Variants in ZNF774 observed in about 807,000 individuals in gnomAD.
ZNF774 encodes zinc finger protein 774.
ZNF774 carries 14 observed loss-of-function variants against 11.1 expected under a neutral mutation model. The observed-to-expected ratio is 1.26, with a 90% CI of 0.83 to 1.97. ZNF774 has a LOEUF of 1.97. Among genes scored for constraint, ZNF774 ranks in the 30% most tolerant of loss-of-function variants. The pLI is 0.00. For synonymous variants in ZNF774, 195 were observed against 212.6 expected, an observed-to-expected ratio of 0.92 and a Z score of 0.72; for missense variants, 599 against 587.0, an observed-to-expected ratio of 1.02 and a Z score of -0.21.
chr15:90,353,025 T>C (rs946586460), intron 1 of ZNF774, among the ~76,000 whole-genome samples: 7 of 151,992 alleles, frequency 4.6e-5, no homozygotes. Flanking sequence ...TGGAATGCAA[T>C]GGCGCTATCT....
At chr15:90,360,010 C>T in intron 3 of ZNF774, 33 bp from the exon 4 acceptor site, 1 of 1,555,310 alleles carries the variant, frequency 6.4e-7, no homozygotes. Context: ...TAACTGATAA[C>T]TTTATTCTCT....
chr15:90,361,507 A>G lies in ZNF774; in HGVS notation c.*224A>G. The G allele has an allele frequency of 7.6e-7, 1 of 1,309,908 alleles. No homozygotes were observed. The highest frequency in any genetic ancestry group is 9.7e-7 in the Non-Finnish European group (1 of 1,030,250). 81.1% of individuals were successfully genotyped at this position (1,309,908 alleles called of 1,614,324 possible). A position where few individuals can be genotyped will look rare whatever the true frequency, so the allele number is the denominator to read the frequency against. On this transcript the variant is annotated 3_prime_UTR_variant, in exon 4 of 4. Coordinates refer to ENST00000354377, the MANE Select transcript of ZNF774 (RefSeq NM_001004309.3). ...CAGTGTGTGACTGACTCTTAGGGAA[A>G]TGTGAGTTTAATAGTTGATGCCCGC...
chr15:90,352,856 AG>A (rs530121959), intron 1 of ZNF774, among the ~76,000 whole-genome samples: 3 of 152,194 alleles, frequency 2.0e-5, no homozygotes, highest in African/African-American at 4.8e-5. Flanking sequence ...GCTGGGAAAC[AG>A]GGTTTCTATA....
chr15:90,355,323 C>G, intron 2 of ZNF774: 1 of 456,048 alleles, frequency 2.2e-6, no homozygotes, highest in Non-Finnish European at 4.4e-6. Flanking sequence ...AACTTTTTGA[C>G]TTATGTATTA....
intron 2 of ZNF774, among the ~76,000 whole-genome samples, chr15:90,357,030 TATC>T (rs1964258569): frequency 6.6e-6 from 1 of 152,182 alleles, no homozygotes; most frequent in Admixed American, 6.5e-5. Flanking sequence ...AGTATAATTT[TATC>T]ATTTTCTTAG....
intron 1 of ZNF774, among the ~76,000 whole-genome samples, chr15:90,352,665 C>T (rs1459261233): frequency 6.6e-6 from 1 of 152,020 alleles, no homozygotes; most frequent in Non-Finnish European, 1.5e-5. Context: ...ACCCTCTGAC[C>T]GCCGCACCCC....
intron 1 of ZNF774, among the ~76,000 whole-genome samples, chr15:90,352,681 G>A (rs1038742793): frequency 1.2e-4 from 18 of 152,032 alleles, no homozygotes; most frequent in African/African-American, 3.6e-4. Context: ...ACCCCGGTTA[G>A]GGCGCGAGCA....
At chr15:90,357,896 A>AT (rs59624159) in intron 2 of ZNF774, among the ~76,000 whole-genome samples, 22,644 of 137,530 alleles carry the variant, frequency 0.16, 2,421 homozygotes, top group East Asian at 0.47. Context: ...TCTTATCCCA[A>AT]TTTTTTTTTT....
Position 90,362,370 on chromosome 15 carries a change from C to T in ZNF774, c.*1087C>T. 1 of 607,116 alleles carries T rather than the reference C, an allele frequency of 1.6e-6. No homozygotes were observed. The highest frequency in any genetic ancestry group is 2.9e-6 in the Non-Finnish European group (1 of 341,562). The allele number at this position is 607,116 out of a possible 1,614,324, so 37.6% of individuals were successfully genotyped here. On this transcript the variant is annotated 3_prime_UTR_variant, in exon 4 of 4. Transcript: ENST00000354377. ...GAGAAAATATCCTACAATGAACAAG[C>T]CAGAGGGACCTGGTAGAGGACTATA...
intron 3 of ZNF774, 54 bp downstream of exon 3, chr15:90,359,011 A>G: frequency 7.4e-7 from 1 of 1,360,126 alleles, no homozygotes; most frequent in Non-Finnish European, 1.0e-6. Flanking sequence ...AGCCTTGTTT[A>G]GATGAAGAAT....
chr15:90,359,108 C>G (rs1422426222), intron 3 of ZNF774, 151 bp downstream of exon 3: 2 of 523,550 alleles, frequency 3.8e-6, no homozygotes, highest in Non-Finnish European at 6.5e-6. Context: ...CTCTGTCGCC[C>G]AGGCCGGACT....
intron 3 of ZNF774, among the ~76,000 whole-genome samples, chr15:90,359,831 A>AT (rs148247603): frequency 0.057 from 8,642 of 152,280 alleles, 353 homozygotes; most frequent in Admixed American, 0.081. Flanking sequence ...ATCAAGATTC[A>AT]TCTGGCCATC....
At chr15:90,354,517 C>T in intron 1 of ZNF774, 125 bp from the exon 2 acceptor site, 1 of 632,022 alleles carries the variant, frequency 1.6e-6, no homozygotes, top group Non-Finnish European at 2.8e-6. Context: ...ACAGAATTTA[C>T]CTCAGGACCA....
At chr15:90,356,263 A>G (rs1473746358) in intron 2 of ZNF774, among the ~76,000 whole-genome samples, 1 of 151,526 alleles carries the variant, frequency 6.6e-6, no homozygotes, top group Non-Finnish European at 1.5e-5. Context: ...GAGATGGGTT[A>G]TCTCCATGTG....
At chr15:90,359,288 G>T (rs1964291653) in intron 3 of ZNF774, among the ~76,000 whole-genome samples, 1 of 150,980 alleles carries the variant, frequency 6.6e-6, no homozygotes. Flanking sequence ...TAGCCAGGAT[G>T]GTCTCGATCT....
chr15:90,356,701 G>A (rs747603547), intron 2 of ZNF774, among the ~76,000 whole-genome samples: 33 of 152,144 alleles, frequency 2.2e-4, no homozygotes, highest in Non-Finnish European at 3.5e-4. Context: ...CTTCCATGTT[G>A]TATTGTGAGT....
intron 2 of ZNF774, 77 bp downstream of exon 2, chr15:90,354,841 C>A: frequency 8.0e-7 from 1 of 1,249,944 alleles, no homozygotes; most frequent in Non-Finnish European, 1.1e-6. Flanking sequence ...GTCATCCAGG[C>A]TGGAGTGCAG....
intron 2 of ZNF774, among the ~76,000 whole-genome samples, chr15:90,358,451 C>T (rs1567101391): frequency 6.6e-6 from 1 of 152,140 alleles, no homozygotes; most frequent in Non-Finnish European, 1.5e-5. Flanking sequence ...TTTTTGACTG[C>T]TGCCATTCTG....
chr15:90,354,875 A>G (rs1964222969), intron 2 of ZNF774, 111 bp downstream of exon 2: 3 of 873,946 alleles, frequency 3.4e-6, no homozygotes, highest in Admixed American at 2.2e-5. Flanking sequence ...ATTCACTGCA[A>G]TCTGTGCCTC....
Sources: gnomAD v4.1 joint callset for allele counts (sites outside exome capture counted in the v4.1 genomes callset) on GRCh38, gnomAD v4.1.1 for gene constraint, MANE v1.5 for transcripts, NCBI Gene and HGNC (gene_info 2026-07-23, HGNC 2026-07-21) for gene names.